MRE11: variants seen among roughly 807,000 people sequenced by gnomAD.
MRE11 encodes the protein double-strand break repair protein MRE11.
Under a neutral mutation model 91.7 loss-of-function variants are expected in MRE11, and 62 were observed. The ratio of observed to expected loss-of-function variants is 0.68; its 90% CI spans 0.55 to 0.84. The LOEUF is 0.84. Ranked by LOEUF, MRE11 falls within the 40% of genes least tolerant of loss-of-function variation. The probability of loss-of-function intolerance (pLI) is 0.00; values close to 1 mark genes in which losing one functional copy is unlikely to be tolerated. For missense variants in MRE11, 796 were observed against 852.9 expected (o/e 0.93, Z 0.83); for synonymous variants, 273 against 271.4 (o/e 1.01, Z -0.06).
chr11:94,480,381 A>C (rs1479225186), intron 4 of MRE11, among the ~76,000 whole-genome samples: 2 of 152,244 alleles, frequency 1.3e-5, no homozygotes, highest in Non-Finnish European at 2.9e-5. Context: ...AAATCATTCC[A>C]CATCAGTACA....
intron 2 of MRE11, among the ~76,000 whole-genome samples, chr11:94,491,813 T>C (rs1947290411): frequency 6.6e-6 from 1 of 152,206 alleles, no homozygotes; most frequent in Admixed American, 6.5e-5. Context: ...AAACAAAAGA[T>C]ATTTCCACAA....
intron 4 of MRE11, among the ~76,000 whole-genome samples, chr11:94,484,992 A>G (rs1239457294): frequency 1.3e-5 from 2 of 152,206 alleles, no homozygotes; most frequent in Non-Finnish European, 2.9e-5. Context: ...CAGGTGGATT[A>G]CCTGAGGTCT....
At chr11:94,496,901 A>G (rs180922958), upstream of MRE11, 11 of 1,613,876 alleles carry the variant, frequency 6.8e-6, no homozygotes, top group East Asian at 2.5e-4. Flanking sequence ...AGAAAAAAAA[A>G]TGGAAAAAGA....
chr11:94,461,052 T>C lies in MRE11; in HGVS notation c.1226-16A>G. ...ATCTCTTCTCCTAGAAAAAAAGAAG[T>C]ATATCAAAAAATAGCTTCTATCATA... On this transcript the variant is annotated splice_polypyrimidine_tract_variant and intron_variant, in intron 11 of 19. Coordinates refer to ENST00000323929, the MANE Select transcript of MRE11 (RefSeq NM_005591.4). The C allele has an allele frequency of 6.3e-7, 1 of 1,592,472 alleles. No homozygotes were observed. The highest frequency in any genetic ancestry group is 8.6e-7 in the Non-Finnish European group (1 of 1,162,816).
chr11:94,475,572 T>C (rs1946830872), intron 7 of MRE11: 1 of 455,704 alleles, frequency 2.2e-6, no homozygotes, highest in Non-Finnish European at 4.4e-6. Context: ...GATCAGATAA[T>C]AAATCTTGCT....
chr11:94,506,771 T>C, the MRE11 span, among the ~76,000 whole-genome samples: 1 of 151,940 alleles, frequency 6.6e-6, no homozygotes, highest in Non-Finnish European at 1.5e-5. Flanking sequence ...AATTTTTCTT[T>C]TATTGAGAGA....
chr11:94,492,352 G>T (rs1215854117), intron 2 of MRE11, among the ~76,000 whole-genome samples: 1 of 152,046 alleles, frequency 6.6e-6, no homozygotes, highest in Non-Finnish European at 1.5e-5. Flanking sequence ...GCCTCCCAAA[G>T]TGCACATAAC....
chr11:94,432,205 G>A (rs888952709), intron 18 of MRE11, among the ~76,000 whole-genome samples: 2 of 152,102 alleles, frequency 1.3e-5, no homozygotes, highest in African/African-American at 4.8e-5. Flanking sequence ...GTAAACCTTC[G>A]TGAGCTAAAA....
chr11:94,502,130 G>A, the MRE11 span, among the ~76,000 whole-genome samples: 55 of 152,272 alleles, frequency 3.6e-4, no homozygotes, highest in Admixed American at 2.6e-4. Context: ...GATACCATGT[G>A]AGCCTCACAA....
At chr11:94,450,204 C>T (rs950987583) in intron 14 of MRE11, among the ~76,000 whole-genome samples, 1 of 152,150 alleles carries the variant, frequency 6.6e-6, no homozygotes, top group African/African-American at 2.4e-5. Flanking sequence ...ACGTATTGAT[C>T]AGCTGACAAA....
intron 18 of MRE11, among the ~76,000 whole-genome samples, chr11:94,430,445 C>A (rs1427158624): frequency 6.6e-6 from 1 of 151,738 alleles, no homozygotes; most frequent in Non-Finnish European, 1.5e-5. Context: ...CTATTCAAAT[C>A]TCAGTTAATA....
At chr11:94,484,958 T>C (rs1438073352) in intron 4 of MRE11, among the ~76,000 whole-genome samples, 1 of 152,212 alleles carries the variant, frequency 6.6e-6, no homozygotes, top group Non-Finnish European at 1.5e-5. Flanking sequence ...GCGTCTATAA[T>C]CCCAGCACTT....
intron 14 of MRE11, among the ~76,000 whole-genome samples, chr11:94,455,798 A>G (rs1946234326): frequency 1.3e-5 from 2 of 152,230 alleles, no homozygotes; most frequent in African/African-American, 4.8e-5. Context: ...GATTTTATCT[A>G]TAAGATGCTC....
chr11:94,510,064 G>T, the MRE11 span, among the ~76,000 whole-genome samples: 364 of 152,160 alleles, frequency 2.4e-3, 1 homozygote, highest in African/African-American at 7.6e-3. Flanking sequence ...TCCTGCAAGA[G>T]GTTAGACAGA....
intron 9 of MRE11, 27 bp from the exon 10 acceptor site, chr11:94,467,920 A>AT (rs764434520): frequency 6.3e-7 from 1 of 1,584,276 alleles, no homozygotes; most frequent in Non-Finnish European, 8.7e-7. Context: ...AGATTAAAAA[A>AT]CAACGTAGTA....
At chr11:94,500,593 T>G in the MRE11 span, among the ~76,000 whole-genome samples, 2 of 152,356 alleles carry the variant, frequency 1.3e-5, no homozygotes, top group Non-Finnish European at 2.9e-5. Context: ...GAGTTTTTCA[T>G]AACTAAGGGT....
chr11:94,458,636 A>AC (rs1158398675), intron 13 of MRE11, among the ~76,000 whole-genome samples: 1 of 152,092 alleles, frequency 6.6e-6, no homozygotes, highest in African/African-American at 2.4e-5. Flanking sequence ...CTCTTAATAT[A>AC]CTCTGCCAAA....
At chr11:94,508,733 T>C in the MRE11 span, among the ~76,000 whole-genome samples, 2 of 152,084 alleles carry the variant, frequency 1.3e-5, no homozygotes, top group African/African-American at 4.8e-5. Flanking sequence ...TTCAAAGTTG[T>C]TTTGACCAGT....
Position 94,417,624 on chromosome 11 carries a change from T to C in MRE11, c.*2501A>G, listed in dbSNP as rs2155209. The stretch of plus-strand genomic sequence containing the variant: ...GCTTTTAAATTACAGAAGTTAGGGC[T>C]TGTTACCCAGAAAGGAGAAAACAAT... On this transcript the variant is annotated 3_prime_UTR_variant, in exon 20 of 20. Coordinates refer to ENST00000323929, the MANE Select transcript of MRE11 (RefSeq NM_005591.4). 66,849 of 232,864 alleles carry C rather than the reference T, an allele frequency of 0.29. 10,412 individuals carry two copies. The highest frequency in any genetic ancestry group is 0.34 in the Non-Finnish European group (39,859 of 117,854). 14.4% of individuals were successfully genotyped at this position (232,864 alleles called of 1,614,324 possible).
Sources: gnomAD v4.1 joint callset for allele counts (sites outside exome capture counted in the v4.1 genomes callset) on GRCh38, gnomAD v4.1.1 for gene constraint, MANE v1.5 for transcripts, NCBI Gene and HGNC (gene_info 2026-07-23, HGNC 2026-07-21) for gene names.